Variants in INTS7 observed in about 807,000 individuals in gnomAD.
INTS7 encodes chromosome 1 open reading frame 73.
INTS7 carries 46 observed loss-of-function variants against 109.2 expected under a neutral mutation model. The observed-to-expected ratio is 0.42, with a 90% CI of 0.33 to 0.54. The LOEUF is 0.54. INTS7 is among the 20% of genes least tolerant of loss of function. The pLI, the probability that INTS7 is intolerant of heterozygous loss-of-function variation, is 0.07. For missense variants in INTS7, 929 were observed against 1,132.4 expected, an observed-to-expected ratio of 0.82 and a Z score of 2.58; for synonymous variants, 412 against 402.9, an observed-to-expected ratio of 1.02 and a Z score of -0.27.
At chr1:212,026,570 T>C (rs1032653519) in intron 1 of INTS7, among the ~76,000 whole-genome samples, 1 of 103,686 alleles carries the variant, frequency 9.6e-6, no homozygotes, top group Non-Finnish European at 2.3e-5. Context: ...GTGGCTCATG[T>C]AGCCTTACTT....
Position 211,952,706 on chromosome 1 carries a change from A to G in INTS7, c.2184-5T>C. The G allele has an allele frequency of 6.2e-7, 1 of 1,610,760 alleles. No individual in the cohort carries two copies. The highest frequency in any genetic ancestry group is 8.5e-7 in the Non-Finnish European group (1 of 1,177,886). On this transcript the variant is annotated splice_region_variant and splice_polypyrimidine_tract_variant and intron_variant, in intron 16 of 19. Coordinates refer to ENST00000366994, the MANE Select transcript of INTS7 (RefSeq NM_015434.4). ...GTAGATCCATATTCCTGGAAACTGA[A>G]GTAAAGGTCAATATTCATTAATCCA...
At chr1:211,983,875 T>C (rs1200298542) in intron 8 of INTS7, among the ~76,000 whole-genome samples, 1 of 150,920 alleles carries the variant, frequency 6.6e-6, no homozygotes, top group Non-Finnish European at 1.5e-5. Flanking sequence ...TGAGACAGAG[T>C]CTCACTCTGT....
intron 9 of INTS7, among the ~76,000 whole-genome samples, chr1:211,982,161 T>G (rs1345211909): frequency 6.6e-6 from 1 of 152,234 alleles, no homozygotes; most frequent in Non-Finnish European, 1.5e-5. Context: ...CAACAAAATA[T>G]GTGCATTATT....
chr1:211,988,044 C>G lies in INTS7; in HGVS notation c.880-41G>C, dbSNP rs759360573. 4.1e-6 allele frequency: 4 copies of G among 965,652 alleles called. No individual in the cohort carries two copies. The East Asian group carries it at 7.5e-5, about 18-fold the overall frequency. The allele number at this position is 965,652 out of a possible 1,614,324, so 59.8% of individuals were successfully genotyped here. ...GAAATGAATATAGAAGTTAAAACAT[C>G]AATATACTTCTAAACTGTCTACTCC... On this transcript the variant is annotated intron_variant, in intron 7 of 19. Coordinates refer to ENST00000366994, the MANE Select transcript of INTS7 (RefSeq NM_015434.4).
At chr1:211,965,714 C>T (rs556041974) in intron 16 of INTS7, among the ~76,000 whole-genome samples, 4 of 152,110 alleles carry the variant, frequency 2.6e-5, no homozygotes, top group South Asian at 2.1e-4. Flanking sequence ...AAATACCACA[C>T]GTTCTCACTT....
At chr1:212,013,221 A>C (rs905066078) in intron 4 of INTS7, among the ~76,000 whole-genome samples, 1 of 152,134 alleles carries the variant, frequency 6.6e-6, no homozygotes, top group African/African-American at 2.4e-5. Flanking sequence ...GGGTCTCACT[A>C]TGTTGCCTAG....
intron 17 of INTS7, among the ~76,000 whole-genome samples, chr1:211,947,893 G>A (rs149654130): frequency 6.6e-6 from 1 of 152,314 alleles, no homozygotes; most frequent in African/African-American, 2.4e-5. Context: ...AAACTACTCT[G>A]CCTTTCTTTA....
chr1:211,985,428 G>A (rs560789247), intron 8 of INTS7, among the ~76,000 whole-genome samples: 15 of 152,022 alleles, frequency 9.9e-5, no homozygotes, highest in African/African-American at 3.6e-4. Context: ...ATGTAACTTT[G>A]GAAAATCCTT....
rs931346746 is a variant in INTS7, at chr1:211,968,391, G to A, written c.2010+122C>T. The A allele has an allele frequency of 2.7e-5, 22 of 807,296 alleles. No individual in the cohort carries two copies. The Middle Eastern group carries it at 1.2e-3, about 42-fold the overall frequency. 50.0% of individuals were successfully genotyped at this position (807,296 alleles called of 1,614,324 possible). A position where few individuals can be genotyped will look rare whatever the true frequency, so the allele number is the denominator to read the frequency against. On this transcript the variant is annotated intron_variant, in intron 14 of 19. Transcript: ENST00000366994. ...CTATTTTTTAGCCAGACAGTTGAGT[G>A]AATAAACATTTATGATAATGTCTGA...
intron 16 of INTS7, among the ~76,000 whole-genome samples, chr1:211,956,425 T>C (rs1242568243): frequency 1.3e-5 from 2 of 152,220 alleles, no homozygotes; most frequent in Non-Finnish European, 2.9e-5. Flanking sequence ...CTTAATGTAT[T>C]ATATTTATAT....
intron 4 of INTS7, among the ~76,000 whole-genome samples, chr1:212,015,981 T>C (rs1259694179): frequency 2.6e-5 from 4 of 152,112 alleles, no homozygotes; most frequent in Non-Finnish European, 4.4e-5. Flanking sequence ...ATTGGGGTTT[T>C]TTAAAACAAA....
chr1:212,000,359 T>C (rs1571891830), intron 7 of INTS7, among the ~76,000 whole-genome samples: 1 of 152,198 alleles, frequency 6.6e-6, no homozygotes, highest in African/African-American at 2.4e-5. Flanking sequence ...TGGAAAAAGT[T>C]CTACATTCAG....
chr1:212,000,108 GAAAA>G (rs953793375), intron 7 of INTS7, among the ~76,000 whole-genome samples: 1 of 146,244 alleles, frequency 6.8e-6, no homozygotes, highest in Non-Finnish European at 1.5e-5. Flanking sequence ...CTGTCTCAAA[GAAAA>G]AAAAGAAAGA....
At chr1:211,973,349 T>C (rs1664263880) in intron 13 of INTS7, among the ~76,000 whole-genome samples, 1 of 152,254 alleles carries the variant, frequency 6.6e-6, no homozygotes, top group South Asian at 2.1e-4. Flanking sequence ...AGAAAGCTAA[T>C]ATAAACACTT....
chr1:211,999,785 C>G (rs1665578799), intron 7 of INTS7, among the ~76,000 whole-genome samples: 1 of 152,104 alleles, frequency 6.6e-6, no homozygotes, highest in Admixed American at 6.5e-5. Flanking sequence ...GAAAGCAAAG[C>G]TTCCGGCAAG....
At chr1:211,970,742 G>A (rs1664133320) in intron 13 of INTS7, among the ~76,000 whole-genome samples, 1 of 152,164 alleles carries the variant, frequency 6.6e-6, no homozygotes, top group Non-Finnish European at 1.5e-5. Context: ...CCAATCATAA[G>A]CTTTAGAACC....
At chr1:212,017,136 T>C (rs541865153) in intron 3 of INTS7, 113 bp from the exon 4 acceptor site, 7 of 705,596 alleles carry the variant, frequency 9.9e-6, no homozygotes, top group Middle Eastern at 2.5e-4. Context: ...GGTAATTCTA[T>C]GTAACTCCAG....
intron 11 of INTS7, among the ~76,000 whole-genome samples, 174 bp from the exon 12 acceptor site, chr1:211,976,893 C>T (rs1483937406): frequency 2.0e-5 from 3 of 152,088 alleles, no homozygotes; most frequent in African/African-American, 7.2e-5. Flanking sequence ...ATTCCATTCA[C>T]TCAGGGCACT....
In INTS7 at chr1:211,946,775, G is replaced by T; in HGVS notation, c.2317-70C>A. ...ATTTCATCAACAAGTGGTACATTCA[G>T]TATAAAACTACAAATGCCCATATAG... On this transcript the variant is annotated intron_variant, in intron 17 of 19. Coordinates refer to ENST00000366994, the MANE Select transcript of INTS7 (RefSeq NM_015434.4). The surrounding 1 kb of genome is among the most constrained non-coding windows in gnomAD (Gnocchi z 4.3). The T allele has an allele frequency of 9.8e-7, 1 of 1,019,770 alleles. No homozygotes were observed. The highest frequency in any genetic ancestry group is 1.5e-6 in the Non-Finnish European group (1 of 673,674). 63.2% of individuals were successfully genotyped at this position (1,019,770 alleles called of 1,614,324 possible).
Sources: allele counts gnomAD v4.1 joint callset (sites outside exome capture counted in the v4.1 genomes callset), GRCh38; gene constraint gnomAD v4.1.1; non-coding constraint Gnocchi (gnomAD v3.1); transcripts MANE v1.5; gene names NCBI Gene and HGNC (gene_info 2026-07-23, HGNC 2026-07-21).